The following NLRP1 variants were observed in gnomAD, a reference collection of about 807,000 sequenced individuals.
The protein encoded by NLRP1 is NACHT, LRR and PYD domains-containing protein 1.
NLRP1 carries 94 observed loss-of-function variants against 136.7 expected under a neutral mutation model. The observed-to-expected ratio is 0.69, with a 90% CI of 0.58 to 0.82. NLRP1 has a LOEUF of 0.82. Ranked by LOEUF, NLRP1 falls within the 40% of genes least tolerant of loss-of-function variation. NLRP1 has a pLI of 0.00. For synonymous variants in NLRP1, 690 were observed against 725.1 expected (o/e 0.95, Z 0.78); for missense variants, 1,575 against 1,802.7 (o/e 0.87, Z 2.29).
chr17:5,563,294 AC>A (rs1215766393), intron 3 of NLRP1, among the ~76,000 whole-genome samples: 1 of 152,352 alleles, frequency 6.6e-6, no homozygotes, highest in South Asian at 2.1e-4. Flanking sequence ...GAAATGACAG[AC>A]ATAGAATTCA....
intron 12 of NLRP1, among the ~76,000 whole-genome samples, chr17:5,525,894 G>A (rs1909474268): frequency 6.6e-6 from 1 of 152,172 alleles, no homozygotes; most frequent in Non-Finnish European, 1.5e-5. Flanking sequence ...CCACCTGGCT[G>A]TGGTGGTTCC....
In NLRP1 at chr17:5,533,296, G is replaced by A; in HGVS notation, c.3133+8C>T. The A allele has an allele frequency of 6.4e-7, 1 of 1,550,828 alleles. No homozygotes were observed. Among genetic ancestry groups the A allele is most frequent in the Non-Finnish European group, 8.7e-7 (1 of 1,146,094 alleles). On this transcript the variant is annotated splice_region_variant and intron_variant, in intron 10 of 16. Transcript: ENST00000572272. ...AAGATGAAAGGGGCCAGGCACCGTG[G>A]CTCTTGCCTGCAATCTCAGCAATTG... is the stretch of plus-strand genomic sequence containing the variant.
In NLRP1 at chr17:5,532,930, G is replaced by A. The variant is rs190250281; in HGVS notation, c.3188C>T (p.Ala1063Val). The change falls in exon 11 of 17, where the codon GCC (alanine) becomes GTC (valine). Residue 1063 changes from alanine (A) to valine (V), a missense_variant. By Grantham distance (64) the Ala-to-Val change is moderately conservative (BLOSUM62 0). Coordinates refer to ENST00000572272, the MANE Select transcript of NLRP1 (RefSeq NM_033004.4). ...CTTCGTATGCAGGTCCCCTTGAGAG[G>A]CAGGAGAAGGCACGCACAAGAGTTC... ...PVELLCVPSP[A>V]SQGDLHTKPL... is the part of the protein sequence containing the mutation. 1.2e-6 allele frequency: 2 copies of A among 1,613,996 alleles called. No homozygotes were observed. Among genetic ancestry groups the A allele is most frequent in the African/African-American group, 2.7e-5 (2 of 75,026 alleles).
At position 5,521,665 on chromosome 17, in the gene NLRP1, G is replaced by T. The variant is rs1336516782; in HGVS notation, c.3642C>A (p.Pro1214=). ...GGATCATTTTCAGGAGGACTCCCAAGGGGGAGAAGCTGGGGTTTTCCAGAA... is the reference window on the plus strand; with the variant it reads ...GGATCATTTTCAGGAGGACTCCCAATGGGGAGAAGCTGGGGTTTTCCAGAA... The part of the protein sequence containing the change: ...HIVLENPSFS[P]LGVLLKMIHN... Residue 1214 remains proline (P), a synonymous_variant, in exon 13 of 17, where the codon CCC becomes CCA. Transcript: ENST00000572272. The T allele has an allele frequency of 6.2e-7, 1 of 1,614,004 alleles. No homozygotes were observed. The highest frequency in any genetic ancestry group is 1.7e-5 in the Admixed American group (1 of 60,024).
In NLRP1 at chr17:5,558,911, C is replaced by T; in HGVS notation, c.1785G>A (p.Gly595=). ...LFSPDDLRKH[G]LDGAIISTFL... is the part of the protein sequence containing the mutation. ...AGGTGGAGATGATGGCCCCATCTAA[C>T]CCATGCTTCCTGAGGTCATCTGGAC... The change falls in exon 4 of 17, where the codon GGG becomes GGA. Residue 595 remains glycine (G), a synonymous_variant. Coordinates refer to ENST00000572272, the MANE Select transcript of NLRP1 (RefSeq NM_033004.4). The T allele has an allele frequency of 1.2e-6, 2 of 1,614,120 alleles. No individual in the cohort carries two copies. The highest frequency in any genetic ancestry group is 1.6e-4 in the Middle Eastern group (1 of 6,062).
chr17:5,568,738 A>C (rs77231165), intron 3 of NLRP1, among the ~76,000 whole-genome samples: 5,885 of 152,216 alleles, frequency 0.039, 385 homozygotes, highest in African/African-American at 0.13. Context: ...TTTGTGATCT[A>C]AGGCATTTCT....
chr17:5,559,409 G>T lies in NLRP1; in HGVS notation c.1287C>A (p.His429Gln). 1 of 1,614,070 alleles carries T rather than the reference G, an allele frequency of 6.2e-7. No individual in the cohort carries two copies. Among genetic ancestry groups the T allele is most frequent in the South Asian group, 1.1e-5 (1 of 91,072 alleles). The change falls in exon 4 of 17, where the codon CAC becomes CAA. Residue 429 changes from histidine to glutamine, a missense_variant. Physicochemically the swap from His to Gln is conservative, Grantham distance 24 (BLOSUM62 0). Transcript: ENST00000572272. ...LQEPSSELCL[H>Q]WSQPQPADAL... ...CATCCGCCGGCTGTGGCTGGCTCCA[G>T]TGCAGACAGAGCTCAGAACTCGGCT...
chr17:5,582,257 C>T (rs1905750673), intron 2 of NLRP1, among the ~76,000 whole-genome samples, 195 bp from the exon 3 acceptor site: 1 of 152,096 alleles, frequency 6.6e-6, no homozygotes, highest in African/African-American at 2.4e-5. Flanking sequence ...TGGCTTGGGC[C>T]GAGGACTAAG....
chr17:5,533,810 G>A (rs751856101), intron 9 of NLRP1, 87 bp downstream of exon 9: 10 of 884,200 alleles, frequency 1.1e-5, no homozygotes, highest in Non-Finnish European at 1.8e-5. Flanking sequence ...CCCACATCAG[G>A]GGCAGAGGGA....
At position 5,558,355 on chromosome 17, in the gene NLRP1, G is replaced by A. The variant is rs201368394; in HGVS notation, c.2341C>T (p.Pro781Ser). The A allele has an allele frequency of 5.6e-6, 9 of 1,607,490 alleles. No homozygotes were observed. The highest frequency in any genetic ancestry group is 7.6e-6 in the Non-Finnish European group (9 of 1,176,572). ...GGTACTCACAGGACTACCATGGTGG[G>A]GCTCCATGTTGATCTGTGCTGCCTG... ...EGRQHRSTWS[P>S]TMVVLFRWVP... The change falls in exon 4 of 17, where the codon CCC (proline) becomes TCC (serine). Residue 781 changes from proline (P) to serine (S), a missense_variant. Physicochemically the swap from Pro to Ser is moderately conservative, Grantham distance 74. Coordinates refer to ENST00000572272, the MANE Select transcript of NLRP1 (RefSeq NM_033004.4).
intron 7 of NLRP1, among the ~76,000 whole-genome samples, chr17:5,538,393 TC>T (rs1911383876): frequency 2.0e-5 from 3 of 152,186 alleles, no homozygotes; most frequent in South Asian, 4.2e-4. Context: ...TCTGGGCCTT[TC>T]CCCACACCAT....
At chr17:5,512,606 C>T (rs1006583858), downstream of NLRP1, 29 of 472,150 alleles carry the variant, frequency 6.1e-5, no homozygotes, top group Admixed American at 7.1e-4. Context: ...GTGAAGGACC[C>T]GAAAGACAAG....
chr17:5,532,929 G>C lies in NLRP1; in HGVS notation c.3189C>G (p.Ala1063=). 6.2e-7 allele frequency: 1 copy of C among 1,614,032 alleles called. No individual in the cohort carries two copies. The highest frequency in any genetic ancestry group is 8.5e-7 in the Non-Finnish European group (1 of 1,179,924). The change falls in exon 11 of 17, where the codon GCC becomes GCG. Residue 1063 remains alanine (A), a synonymous_variant. Coordinates refer to ENST00000572272, the MANE Select transcript of NLRP1 (RefSeq NM_033004.4). ...PVELLCVPSP[A]SQGDLHTKPL... is the part of the protein sequence containing the mutation. ...GCTTCGTATGCAGGTCCCCTTGAGA[G>C]GCAGGAGAAGGCACGCACAAGAGTT... is the stretch of plus-strand genomic sequence containing the variant.
intron 5 of NLRP1, among the ~76,000 whole-genome samples, chr17:5,550,709 T>C (rs1036719666): frequency 6.6e-6 from 1 of 152,184 alleles, no homozygotes; most frequent in African/African-American, 2.4e-5. Flanking sequence ...CTAGTCTTTA[T>C]TATTTCTTTC....
At chr17:5,536,978 C>T in intron 7 of NLRP1, 38 bp from the exon 8 acceptor site, 3 of 1,457,906 alleles carry the variant, frequency 2.1e-6, no homozygotes, top group Non-Finnish European at 2.9e-6. Flanking sequence ...CCTGGGATCC[C>T]CCATGTGGTC....
chr17:5,572,300 A>G (rs781059290), intron 3 of NLRP1, among the ~76,000 whole-genome samples: 6 of 152,204 alleles, frequency 3.9e-5, no homozygotes, highest in Non-Finnish European at 8.8e-5. Context: ...ACTACCCACA[A>G]AGTAAATAGA....
chr17:5,553,114 A>G (rs770848380), intron 5 of NLRP1, among the ~76,000 whole-genome samples: 1 of 152,092 alleles, frequency 6.6e-6, no homozygotes, highest in African/African-American at 2.4e-5. Flanking sequence ...TGTACATGCT[A>G]TTCTCTTTTC....
chr17:5,531,153 T>C (rs1454653771), intron 11 of NLRP1, among the ~76,000 whole-genome samples: 1 of 150,052 alleles, frequency 6.7e-6, no homozygotes, highest in Non-Finnish European at 1.5e-5. Context: ...TGTCTATCTA[T>C]CTATCTATCT....
At chr17:5,507,854 G>A (rs750507580) in intron 15 of NLRP1, among the ~76,000 whole-genome samples, 8 of 151,936 alleles carry the variant, frequency 5.3e-5, no homozygotes, top group African/African-American at 7.2e-5. Flanking sequence ...ATTAGCCAGC[G>A]GCCAGGCGCA....
Sources: allele counts gnomAD v4.1 joint callset (sites outside exome capture counted in the v4.1 genomes callset), GRCh38; gene constraint gnomAD v4.1.1; transcripts MANE v1.5; gene names NCBI Gene and HGNC (gene_info 2026-07-23, HGNC 2026-07-21).